Variants in IL31RA observed in about 807,000 individuals in gnomAD.
IL31RA encodes the protein interleukin-31 receptor subunit alpha.
Under a neutral mutation model 83.7 loss-of-function variants are expected in IL31RA, and 66 were observed. The ratio of observed to expected loss-of-function variants is 0.79; its 90% CI spans 0.65 to 0.97. The LOEUF is 0.97. IL31RA is among the 50% of genes least tolerant of loss of function. The pLI is 0.00. For missense variants in IL31RA, 798 were observed against 919.4 expected (o/e 0.87, Z 1.71); for synonymous variants, 325 against 329.0 (o/e 0.99, Z 0.13).
chr5:55,908,175 T>G, intron 10 of IL31RA, 90 bp from the exon 11 acceptor site: 1 of 1,584,348 alleles, frequency 6.3e-7, no homozygotes, highest in South Asian at 1.1e-5. Context: ...GCACTATGGT[T>G]TGGTCTGAGT....
intron 1 of IL31RA, chr5:55,853,628 TC>T: frequency 6.6e-7 from 1 of 1,526,422 alleles, no homozygotes; most frequent in Non-Finnish European, 8.9e-7. Context: ...TTTATAAAAG[TC>T]TTTTTCTGTT....
chr5:55,911,437 G>A (rs1749495956), intron 12 of IL31RA, among the ~76,000 whole-genome samples: 1 of 152,032 alleles, frequency 6.6e-6, no homozygotes, highest in Non-Finnish European at 1.5e-5. Context: ...GGAAAACCTT[G>A]GTTAACTCAG....
At chr5:55,874,237 A>G (rs754568840) in intron 4 of IL31RA, among the ~76,000 whole-genome samples, 2 of 152,080 alleles carry the variant, frequency 1.3e-5, no homozygotes, top group Non-Finnish European at 2.9e-5. Flanking sequence ...GGTATTTTTC[A>G]GGGTCTTCAA....
chr5:55,853,608 C>G, intron 1 of IL31RA: 1 of 1,540,686 alleles, frequency 6.5e-7, no homozygotes, highest in Non-Finnish European at 8.8e-7. Flanking sequence ...GTTTGATCAT[C>G]TTTTTCTACT....
At chr5:55,902,535 G>A (rs987611298) in intron 8 of IL31RA, 2 of 151,880 alleles carry the variant, frequency 1.3e-5, no homozygotes, top group Non-Finnish European at 2.9e-5. Flanking sequence ...TACTTGAGAG[G>A]CTGAGGGGGA....
chr5:55,858,027 A>AT (rs1745458604), intron 1 of IL31RA, among the ~76,000 whole-genome samples: 1 of 151,786 alleles, frequency 6.6e-6, no homozygotes, highest in Admixed American at 6.6e-5. Context: ...AGTACTGCTG[A>AT]TTTTTTTCTA....
At chr5:55,902,053 C>T (rs1748854816) in intron 8 of IL31RA, among the ~76,000 whole-genome samples, 1 of 152,106 alleles carries the variant, frequency 6.6e-6, no homozygotes, top group Admixed American at 6.5e-5. Context: ...TCAGATACGA[C>T]TGTGTGATCA....
chr5:55,906,188 G>C lies in IL31RA; in HGVS notation c.1152G>C (p.Val384=). ...AGTGGCAAAGCTCTGCTCTAGACGT[G>C]AACACTTGGATGATTGAATGGTTTC... ...VVKWQSSALD[V]NTWMIEWFPD... Residue 384 remains valine, a synonymous_variant, in exon 9 of 15, where the codon GTG becomes GTC. Transcript: ENST00000652347. 1 of 1,614,094 alleles carries C rather than the reference G, an allele frequency of 6.2e-7. No homozygotes were observed.
intron 1 of IL31RA, among the ~76,000 whole-genome samples, chr5:55,858,057 C>T (rs1458888560): frequency 6.6e-6 from 1 of 151,540 alleles, no homozygotes; most frequent in African/African-American, 2.4e-5. Context: ...TTTTAAATTT[C>T]ACAAATAATA....
intron 4 of IL31RA, among the ~76,000 whole-genome samples, chr5:55,881,550 C>T (rs1580692676): frequency 6.6e-6 from 1 of 151,854 alleles, no homozygotes; most frequent in South Asian, 2.1e-4. Context: ...CCTGCTAGAA[C>T]TTAGGAGGTG....
At chr5:55,883,659 C>T (rs1257080019) in intron 5 of IL31RA, among the ~76,000 whole-genome samples, 1 of 152,166 alleles carries the variant, frequency 6.6e-6, no homozygotes, top group African/African-American at 2.4e-5. Context: ...CTCCAGGATG[C>T]CAGAGCCCCC....
At chr5:55,844,654 T>G in the IL31RA span, among the ~76,000 whole-genome samples, 13 of 152,030 alleles carry the variant, frequency 8.6e-5, no homozygotes, top group Non-Finnish European at 4.4e-5. Context: ...GTTTGTTTTC[T>G]GATGTTAATT....
In IL31RA at chr5:55,864,707, A is replaced by G. The variant is rs555936448; in HGVS notation, c.155-4084A>G. 6.7e-4 allele frequency among the ~76,000 whole-genome samples: 101 copies of G among 151,094 alleles called. 1 individual carries two copies. The highest frequency in any genetic ancestry group is 3.6e-3 in the Middle Eastern group (1 of 280). On this transcript the variant is annotated intron_variant, in intron 2 of 14. Transcript: ENST00000652347. ...TAAACACATCACACATACTACACACATACCACACATACACCACACATACCC... is the reference window on the plus strand; with the variant it reads ...TAAACACATCACACATACTACACACGTACCACACATACACCACACATACCC...
chr5:55,891,368 A>G (rs1441645784), intron 6 of IL31RA, among the ~76,000 whole-genome samples: 1 of 152,182 alleles, frequency 6.6e-6, no homozygotes. Flanking sequence ...ATGCAACACT[A>G]ATGTATTCTT....
chr5:55,901,038 T>C lies in IL31RA; in HGVS notation c.1069+906T>C, dbSNP rs145839030. 5.1e-3 allele frequency among the ~76,000 whole-genome samples: 780 copies of C among 152,326 alleles called. 10 individuals carry two copies. Among genetic ancestry groups the C allele is most frequent in the African/African-American group, 0.018 (755 of 41,560 alleles). On this transcript the variant is annotated intron_variant, in intron 8 of 14. Transcript: ENST00000652347. ...CTCTATTTGCTTACACCTAGACTGG[T>C]TCAGACATTTACACAACCAGTTCTA... is the stretch of plus-strand genomic sequence containing the variant.
At chr5:55,896,547 TTCCC>T in intron 7 of IL31RA, 118 bp downstream of exon 7, 1 of 513,196 alleles carries the variant, frequency 1.9e-6, no homozygotes, top group East Asian at 3.8e-5. Context: ...TTCCCTTCCC[TTCCC>T]TCCCCTCCCC....
chr5:55,898,720 A>G (rs1276166268), intron 7 of IL31RA, among the ~76,000 whole-genome samples: 3 of 150,044 alleles, frequency 2.0e-5, no homozygotes, highest in African/African-American at 7.3e-5. Context: ...TAAAAAGAAT[A>G]TGTGTTATTT....
At position 55,921,721 on chromosome 5, in the gene IL31RA, T is replaced by C. The variant is rs887126676; in HGVS notation, c.*4601T>C. ...GAAACTTTATAGTTATTTGTGTTGC[T>C]TTAATCCTTGTGAAGCCAAACTTTT... On this transcript the variant is annotated 3_prime_UTR_variant, in exon 15 of 15. Transcript: ENST00000652347. Among the ~76,000 whole-genome samples the C allele has an allele frequency of 3.3e-5, 5 of 152,202 alleles. No homozygotes were observed. Among genetic ancestry groups the C allele is most frequent in the Admixed American group, 3.3e-4 (5 of 15,280 alleles).
chr5:55,874,196 G>A (rs1159882523), intron 4 of IL31RA, among the ~76,000 whole-genome samples: 1 of 152,048 alleles, frequency 6.6e-6, no homozygotes, highest in African/African-American at 2.4e-5. Context: ...TGGCACCTTT[G>A]TAAAAATCAA....
Sources: allele counts gnomAD v4.1 joint callset (sites outside exome capture counted in the v4.1 genomes callset), GRCh38; gene constraint gnomAD v4.1.1; transcripts MANE v1.5; gene names NCBI Gene and HGNC (gene_info 2026-07-23, HGNC 2026-07-21).